Variants in RAB9B observed in about 807,000 individuals in gnomAD.
The protein encoded by RAB9B is ras-related protein Rab-9B.
Under a neutral mutation model 8.9 loss-of-function variants are expected in RAB9B, and 1 was observed. The ratio of observed to expected loss-of-function variants is 0.11; its 90% confidence interval spans 0.04 to 0.53. RAB9B has a LOEUF of 0.53. Ranked by LOEUF, RAB9B falls within the 20% of genes least tolerant of loss-of-function variation. The pLI is 0.93. For missense variants in RAB9B, 82 were observed against 152.9 expected, an observed-to-expected ratio of 0.54 and a Z score of 2.45; for synonymous variants, 63 against 57.0, an observed-to-expected ratio of 1.10 and a Z score of -0.47.
chrX:103,823,892 G>A lies in RAB9B; in HGVS notation c.*1287C>T. On this transcript the variant is annotated 3_prime_UTR_variant, in exon 3 of 3. Transcript: ENST00000243298. ...TTTAAAGTCCCTCTCCATAGTCTTAGCTGTTATCATCAGATAAATCTAACC... is the reference window on the plus strand; with the variant it reads ...TTTAAAGTCCCTCTCCATAGTCTTAACTGTTATCATCAGATAAATCTAACC... 1 of 112,315 alleles carries A rather than the reference G, an allele frequency of 8.9e-6. No homozygotes were observed. Among genetic ancestry groups the A allele is most frequent in the Non-Finnish European group, 1.9e-5 (1 of 53,251 alleles). 9.3% of individuals were successfully genotyped at this position (112,315 alleles called of 1,213,427 possible). A position where few individuals can be genotyped will look rare whatever the true frequency, so the allele number is the denominator to read the frequency against.
chrX:103,784,604 T>C, the RAB9B span, among the ~76,000 whole-genome samples: 17 of 112,011 alleles, frequency 1.5e-4, no homozygotes, highest in South Asian at 6.4e-3. Flanking sequence ...TGCTCAAAAA[T>C]GTCCAGGAGC....
the RAB9B span, among the ~76,000 whole-genome samples, chrX:103,804,036 C>T: frequency 8.9e-6 from 1 of 112,367 alleles, no homozygotes; most frequent in South Asian, 3.7e-4. Context: ...TTTTGTCGCT[C>T]TTGTTTTTGC....
the RAB9B span, among the ~76,000 whole-genome samples, chrX:103,802,809 A>C: frequency 3.6e-5 from 4 of 110,663 alleles, no homozygotes; most frequent in African/African-American, 6.6e-5. Context: ...ACCCACTAGC[A>C]ATGTTTCCCT....
chrX:103,815,334 T>TA, the RAB9B span, among the ~76,000 whole-genome samples: 1 of 112,484 alleles, frequency 8.9e-6, no homozygotes, highest in East Asian at 2.8e-4. Flanking sequence ...GAACCAATGA[T>TA]AAAAACCACA....
the RAB9B span, among the ~76,000 whole-genome samples, chrX:103,812,283 C>G: frequency 9.0e-6 from 1 of 111,548 alleles, no homozygotes; most frequent in African/African-American, 3.3e-5. Flanking sequence ...AAGTTTTTAA[C>G]ATATTAATTA....
the RAB9B span, among the ~76,000 whole-genome samples, chrX:103,806,390 A>G: frequency 9.0e-6 from 1 of 111,466 alleles, no homozygotes; most frequent in African/African-American, 3.3e-5. Flanking sequence ...ATTTCCACAT[A>G]TTTGTGAATT....
the RAB9B span, among the ~76,000 whole-genome samples, chrX:103,806,000 G>A: frequency 5.1e-4 from 57 of 111,246 alleles, no homozygotes; most frequent in Admixed American, 5.8e-4. Context: ...GAGTACAATG[G>A]TGCAATCAGA....
At chrX:103,803,249 ATGTTTAACTTTT>A in the RAB9B span, among the ~76,000 whole-genome samples, 1 of 112,051 alleles carries the variant, frequency 8.9e-6, no homozygotes, top group Non-Finnish European at 1.9e-5. Flanking sequence ...TGATAATTTT[ATGTTTAACTTTT>A]TGAGGAACTG....
chrX:103,793,147 G>A, the RAB9B span, among the ~76,000 whole-genome samples: 6 of 112,221 alleles, frequency 5.3e-5, no homozygotes, highest in African/African-American at 1.6e-4. Flanking sequence ...AAAGGGCAAC[G>A]TAAATGTAAA....
chrX:103,828,740 A>G (rs992196750), intron 1 of RAB9B, among the ~76,000 whole-genome samples: 5 of 112,188 alleles, frequency 4.5e-5, no homozygotes, highest in African/African-American at 1.6e-4. Flanking sequence ...TAACTGTCTG[A>G]GATAATGCTG....
intron 1 of RAB9B, among the ~76,000 whole-genome samples, chrX:103,830,566 C>A (rs934537933): frequency 9.0e-6 from 1 of 111,565 alleles, no homozygotes; most frequent in Non-Finnish European, 1.9e-5. Context: ...TTCCTACCCC[C>A]ACAAACTCAT....
At chrX:103,776,776 A>T in the RAB9B span, 2 of 345,314 alleles carry the variant, frequency 5.8e-6, no homozygotes, top group Non-Finnish European at 1.0e-5. Flanking sequence ...AGGAGAAGGG[A>T]GGAGGAGAGG....
chrX:103,809,260 G>C, the RAB9B span, among the ~76,000 whole-genome samples: 3 of 112,166 alleles, frequency 2.7e-5, no homozygotes, highest in African/African-American at 9.7e-5. Flanking sequence ...GACCATCCTA[G>C]TCTGGGATTT....
chrX:103,828,214 T>C (rs1480462195), intron 1 of RAB9B, among the ~76,000 whole-genome samples: 1 of 111,891 alleles, frequency 8.9e-6, no homozygotes, highest in Middle Eastern at 4.2e-3. Context: ...ATAAAACTTA[T>C]AATAAGGATT....
chrX:103,787,874 A>G, the RAB9B span: 2 of 1,207,061 alleles, frequency 1.7e-6, no homozygotes, highest in Non-Finnish European at 2.2e-6. Flanking sequence ...GTGTACATTT[A>G]CTTCAACACC....
At position 103,825,320 on chromosome X, in the gene RAB9B, G is replaced by C. The variant is rs756105710; in HGVS notation, c.465C>G (p.Ala155=). The C allele has an allele frequency of 7.4e-6, 9 of 1,211,432 alleles. No individual in the cohort carries two copies. In the South Asian group the frequency reaches 1.6e-4, roughly 21 times the overall value. The change falls in exon 3 of 3, where the codon GCC becomes GCG. Residue 155 remains alanine, a synonymous_variant. Coordinates refer to ENST00000243298, the MANE Select transcript of RAB9B (RefSeq NM_016370.4). ...CCACTGTCACATTAGTATCATCTTT[G>C]GCACTAGTTTCTAAATAAGGGTAAT... The part of the protein sequence containing the change: ...NGDYPYLETS[A]KDDTNVTVAF...
At position 103,823,158 on chromosome X, in the gene RAB9B, A is replaced by G. The variant is rs909449268; in HGVS notation, c.*2021T>C. 2 of 111,478 alleles carry G rather than the reference A, an allele frequency of 1.8e-5. No homozygotes were observed. Among genetic ancestry groups the G allele is most frequent in the African/African-American group, 6.5e-5 (2 of 30,636 alleles). 9.2% of individuals were successfully genotyped at this position (111,478 alleles called of 1,213,427 possible). A position where few individuals can be genotyped will look rare whatever the true frequency, so the allele number is the denominator to read the frequency against. On this transcript the variant is annotated 3_prime_UTR_variant, in exon 3 of 3. Coordinates refer to ENST00000243298, the MANE Select transcript of RAB9B (RefSeq NM_016370.4). Reference sequence around the variant, plus strand: ...GAAGGCCCCAGGTCTCATGCACTTAAAAATAATTAGCATTTAACAGTTCTG... The same window carrying G: ...GAAGGCCCCAGGTCTCATGCACTTAGAAATAATTAGCATTTAACAGTTCTG...
At chrX:103,794,404 C>A in the RAB9B span, among the ~76,000 whole-genome samples, 1 of 112,071 alleles carries the variant, frequency 8.9e-6, no homozygotes, top group Non-Finnish European at 1.9e-5. Context: ...TGGCTCAATG[C>A]ATGTGCGTGC....
At chrX:103,792,905 C>A in the RAB9B span, among the ~76,000 whole-genome samples, 1 of 112,356 alleles carries the variant, frequency 8.9e-6, no homozygotes. Context: ...GGTTTCTTTT[C>A]TCTTCGAAGT....
Sources: gnomAD v4.1 joint callset for allele counts (sites outside exome capture counted in the v4.1 genomes callset) on GRCh38, gnomAD v4.1.1 for gene constraint, MANE v1.5 for transcripts, NCBI Gene and HGNC (gene_info 2026-07-23, HGNC 2026-07-21) for gene names.